Variants in NRIP1 observed in about 807,000 individuals in gnomAD.
NRIP1 encodes the protein nuclear receptor-interacting protein 1.
In NRIP1, 28 loss-of-function variants were observed where a neutral mutation model predicts 75.0. The ratio of observed to expected loss-of-function variants is 0.37; its 90% CI spans 0.28 to 0.51. The LOEUF (loss-of-function observed/expected upper bound fraction) is 0.51. NRIP1 is among the 20% of genes least tolerant of loss of function. The pLI is 0.92. For missense variants in NRIP1, 1,435 were observed against 1,343.7 expected (o/e 1.07, Z -1.06); for synonymous variants, 526 against 487.6 (o/e 1.08, Z -1.04).
rs535186971 is a variant in NRIP1, at chr21:15,045,419, T to C, written c.-537-1845A>G. On this transcript the variant is annotated intron_variant, in intron 1 of 3. Transcript: ENST00000318948. The stretch of plus-strand genomic sequence containing the variant: ...TATGTTTACACTGTACTATAGTCTA[T>C]TAAGTGTGCAAAAGCTTTATGTCGA... 2.6e-5 allele frequency among the ~76,000 whole-genome samples: 4 copies of C among 152,352 alleles called. No individual in the cohort carries two copies. The East Asian group carries it at 5.8e-4, about 22-fold the overall frequency.
intron 3 of NRIP1, among the ~76,000 whole-genome samples, chr21:15,009,835 TTC>T (rs2088060401): frequency 6.6e-6 from 1 of 152,198 alleles, no homozygotes; most frequent in Admixed American, 6.5e-5. Context: ...TGCTAAAAAC[TTC>T]TGTCATATAG....
intron 3 of NRIP1, among the ~76,000 whole-genome samples, chr21:14,973,462 C>CAACGAGAAA (rs2086961041): frequency 6.6e-6 from 1 of 151,758 alleles, no homozygotes. Context: ...TGCATATATA[C>CAACGAGAAA]AACGAGAAAA....
chr21:15,024,186 A>G (rs2088451855), intron 2 of NRIP1, among the ~76,000 whole-genome samples: 1 of 152,244 alleles, frequency 6.6e-6, no homozygotes, highest in East Asian at 1.9e-4. Flanking sequence ...TTAAAATTGA[A>G]AACTTCATTC....
chr21:14,994,746 G>A (rs1027719479), intron 3 of NRIP1, among the ~76,000 whole-genome samples: 8 of 152,254 alleles, frequency 5.3e-5, no homozygotes, highest in Middle Eastern at 3.4e-3. Context: ...CTTAAAGTCA[G>A]GTGGCCAGGC....
In NRIP1 at chr21:14,967,683, T is replaced by C; in HGVS notation, c.510A>G (p.Lys170=). ...CATAGCACCTTAAATCCTTCTCCAC[T>C]TTTAAAGAATCATGACTGAGGGCAT... ...QGYALSHDSL[K]VEKDLRCYGV... Residue 170 remains lysine (K), a synonymous_variant, in exon 4 of 4, where the codon AAA becomes AAG. Coordinates refer to ENST00000318948, the MANE Select transcript of NRIP1 (RefSeq NM_003489.4). 6.2e-7 allele frequency: 1 copy of C among 1,614,130 alleles called. No homozygotes were observed. Among genetic ancestry groups the C allele is most frequent in the Non-Finnish European group, 8.5e-7 (1 of 1,180,014 alleles).
intron 1 of NRIP1, among the ~76,000 whole-genome samples, chr21:15,054,688 C>A (rs1482058248): frequency 6.6e-6 from 1 of 152,166 alleles, no homozygotes; most frequent in African/African-American, 2.4e-5. Flanking sequence ...CATAAAGGTT[C>A]TACTGCTGTG....
rs528576909 is a variant in NRIP1 at position 15,046,672 on chromosome 21, C to A, written c.-537-3098G>T. Among the ~76,000 whole-genome samples the A allele has an allele frequency of 4.6e-5, 7 of 152,306 alleles. No homozygotes were observed. In the South Asian group the frequency reaches 1.5e-3, roughly 32 times the overall value. ...GTTTCTCCTCTCTAGCTATTAAAGT[C>A]CTAGATGGCATATTCATCCAACAGA... On this transcript the variant is annotated intron_variant, in intron 1 of 3. Transcript: ENST00000318948.
At chr21:15,057,169 T>TAA (rs34452031) in intron 1 of NRIP1, among the ~76,000 whole-genome samples, 11 of 150,510 alleles carry the variant, frequency 7.3e-5, no homozygotes, top group Non-Finnish European at 1.0e-4. Context: ...ATAGGGTAAT[T>TAA]AAAAAAAAAA....
chr21:15,029,907 A>T (rs1383686101), intron 2 of NRIP1, among the ~76,000 whole-genome samples: 2 of 152,226 alleles, frequency 1.3e-5, no homozygotes, highest in East Asian at 3.8e-4. Flanking sequence ...CAAAACTCAT[A>T]TCCTCACCAG....
intron 2 of NRIP1, among the ~76,000 whole-genome samples, chr21:15,029,423 T>G (rs1345033426): frequency 1.3e-5 from 2 of 152,140 alleles, no homozygotes; most frequent in Admixed American, 6.6e-5. Flanking sequence ...CTGGGTGTCA[T>G]CTAAAACTTC....
At chr21:15,032,007 T>C (rs993157902) in intron 2 of NRIP1, among the ~76,000 whole-genome samples, 7 of 152,156 alleles carry the variant, frequency 4.6e-5, no homozygotes, top group Admixed American at 2.6e-4. Flanking sequence ...ATCACCACAT[T>C]CCCTTTCTAT....
rs150435786 is a variant in NRIP1, at chr21:15,024,478, G to A, written c.-457-10012C>T. Among the ~76,000 whole-genome samples the A allele has an allele frequency of 1.2e-3, 188 of 152,170 alleles. 1 individual carries two copies. Among genetic ancestry groups the A allele is most frequent in the African/African-American group, 4.4e-3 (182 of 41,504 alleles). ...AATTGCTTGAACCCAGGAGGCGGAGGTTGCAGTGAGCTGAGAACGCATCAC... is the reference window on the plus strand; with the variant it reads ...AATTGCTTGAACCCAGGAGGCGGAGATTGCAGTGAGCTGAGAACGCATCAC... On this transcript the variant is annotated intron_variant, in intron 2 of 3. Transcript: ENST00000318948.
intron 2 of NRIP1, among the ~76,000 whole-genome samples, chr21:15,033,914 A>G (rs958521865): frequency 6.6e-6 from 1 of 152,196 alleles, no homozygotes; most frequent in Non-Finnish European, 1.5e-5. Context: ...TGAAAAATTA[A>G]CCATCTGTTT....
chr21:15,062,381 C>T (rs889830762), intron 1 of NRIP1, among the ~76,000 whole-genome samples: 5 of 152,166 alleles, frequency 3.3e-5, no homozygotes, highest in African/African-American at 9.7e-5. Context: ...TGTATTTTTG[C>T]TTTTGTTTCA....
intron 3 of NRIP1, among the ~76,000 whole-genome samples, chr21:14,980,472 CAAAAT>C (rs1288307319): frequency 3.3e-5 from 5 of 151,286 alleles, no homozygotes; most frequent in African/African-American, 9.8e-5. Flanking sequence ...GACTCCGTAT[CAAAAT>C]AAAATAAAAT....
intron 3 of NRIP1, among the ~76,000 whole-genome samples, chr21:14,985,250 G>T (rs1396179946): frequency 6.6e-6 from 1 of 152,200 alleles, no homozygotes; most frequent in Non-Finnish European, 1.5e-5. Flanking sequence ...GCAAAATAAG[G>T]AGTGGGCTGT....
intron 3 of NRIP1, among the ~76,000 whole-genome samples, chr21:15,010,933 C>A (rs546009599): frequency 2.6e-5 from 4 of 152,198 alleles, no homozygotes; most frequent in Non-Finnish European, 5.9e-5. Flanking sequence ...CAGGAAAACA[C>A]TAGTGAGAAG....
chr21:15,004,854 G>A (rs570128388), intron 3 of NRIP1, among the ~76,000 whole-genome samples: 2 of 152,182 alleles, frequency 1.3e-5, no homozygotes, highest in Admixed American at 1.3e-4. Flanking sequence ...AAGTGAGGAA[G>A]AGAGAAGGTG....
chr21:15,065,328 C>T (rs994361619), upstream of NRIP1, among the ~76,000 whole-genome samples: 2 of 151,860 alleles, frequency 1.3e-5, no homozygotes, highest in African/African-American at 4.8e-5. Flanking sequence ...CTGCACGGCG[C>T]GCCCGGGCCG....
Sources: gnomAD v4.1 joint callset for allele counts (sites outside exome capture counted in the v4.1 genomes callset) on GRCh38, gnomAD v4.1.1 for gene constraint, MANE v1.5 for transcripts, NCBI Gene and HGNC (gene_info 2026-07-23, HGNC 2026-07-21) for gene names.